Variants in MARCHF1 observed in about 807,000 individuals in gnomAD.
The protein encoded by MARCHF1 is membrane associated ring-CH-type finger 1.
Under a neutral mutation model 54.2 loss-of-function variants are expected in MARCHF1, and 40 were observed. The ratio of observed to expected loss-of-function variants is 0.74; its 90% CI spans 0.57 to 0.96. The LOEUF (loss-of-function observed/expected upper bound fraction) is 0.96. Among genes scored for constraint, MARCHF1 ranks in the 40% least tolerant of loss-of-function variants. The pLI is 0.00. For synonymous variants in MARCHF1, 236 were observed against 236.3 expected, an observed-to-expected ratio of 1.00 and a Z score of 0.01; for missense variants, 586 against 656.5, an observed-to-expected ratio of 0.89 and a Z score of 1.17.
At chr4:164,133,828 T>C (rs534237475) in intron 1 of MARCHF1, among the ~76,000 whole-genome samples, 78 of 152,172 alleles carry the variant, frequency 5.1e-4, no homozygotes, top group Non-Finnish European at 6.8e-4. Context: ...CTACTGCACT[T>C]TGCAAAAAAG....
chr4:163,950,488 C>G (rs1243388638), intron 3 of MARCHF1, among the ~76,000 whole-genome samples: 1 of 152,212 alleles, frequency 6.6e-6, no homozygotes, highest in Non-Finnish European at 1.5e-5. Context: ...GCGGCGGTTG[C>G]TTCCCGGTCC....
chr4:163,769,927 A>G (rs1326301580), intron 4 of MARCHF1, among the ~76,000 whole-genome samples: 1 of 152,140 alleles, frequency 6.6e-6, no homozygotes, highest in Non-Finnish European at 1.5e-5. Context: ...CACCCCTGAG[A>G]TAGCAAGACT....
At chr4:164,060,228 T>C (rs923080045) in intron 2 of MARCHF1, among the ~76,000 whole-genome samples, 1 of 152,186 alleles carries the variant, frequency 6.6e-6, no homozygotes, top group South Asian at 2.1e-4. Flanking sequence ...AAGCAGAATG[T>C]AAAATGATAA....
intron 4 of MARCHF1, among the ~76,000 whole-genome samples, chr4:163,756,301 A>G (rs1746664506): frequency 6.6e-6 from 1 of 152,110 alleles, no homozygotes; most frequent in African/African-American, 2.4e-5. Flanking sequence ...ACCAGTATAG[A>G]GAGATCATGG....
intron 4 of MARCHF1, among the ~76,000 whole-genome samples, chr4:163,830,621 A>T (rs1299596374): frequency 4.6e-5 from 7 of 152,084 alleles, no homozygotes; most frequent in Non-Finnish European, 1.0e-4. Context: ...CCTATTAATT[A>T]TATGCTCTCC....
At chr4:163,905,296 G>A (rs1352121682) in intron 3 of MARCHF1, among the ~76,000 whole-genome samples, 2 of 151,960 alleles carry the variant, frequency 1.3e-5, no homozygotes, top group Non-Finnish European at 2.9e-5. Flanking sequence ...TACTTATCGA[G>A]TGCCCAATAT....
At chr4:164,271,645 T>C (rs1398485722) in intron 1 of MARCHF1, among the ~76,000 whole-genome samples, 1 of 152,150 alleles carries the variant, frequency 6.6e-6, no homozygotes, top group African/African-American at 2.4e-5. Flanking sequence ...TGGTTATCCA[T>C]ATGAGGCAAA....
At chr4:164,280,301 T>C (rs1733996040) in intron 1 of MARCHF1, among the ~76,000 whole-genome samples, 3 of 152,032 alleles carry the variant, frequency 2.0e-5, no homozygotes, top group African/African-American at 7.2e-5. Flanking sequence ...CCTAAGTCTG[T>C]ACATCTTCAA....
intron 5 of MARCHF1, among the ~76,000 whole-genome samples, chr4:163,614,684 C>A (rs1741456195): frequency 1.3e-5 from 2 of 152,212 alleles, no homozygotes; most frequent in Admixed American, 6.5e-5. Context: ...CCAAATATCT[C>A]AACATCCTAA....
chr4:164,192,250 T>C (rs570489292), intron 1 of MARCHF1, among the ~76,000 whole-genome samples: 14 of 152,320 alleles, frequency 9.2e-5, no homozygotes, highest in African/African-American at 3.4e-4. Flanking sequence ...CAGGAATTTG[T>C]TGATTATATT....
At chr4:163,670,960 G>T (rs757813216) in intron 5 of MARCHF1, among the ~76,000 whole-genome samples, 30 of 152,144 alleles carry the variant, frequency 2.0e-4, no homozygotes, top group Non-Finnish European at 1.5e-5. Flanking sequence ...TAGCTAGGCT[G>T]ACCTAGCAAA....
chr4:164,052,540 G>A lies in MARCHF1; in HGVS notation c.-248+59048C>T, dbSNP rs1414284849. Among the ~76,000 whole-genome samples, 5 of 151,340 alleles carry A rather than the reference G, an allele frequency of 3.3e-5. No homozygotes were observed. In the South Asian group the frequency reaches 1.0e-3, roughly 32 times the overall value. On this transcript the variant is annotated intron_variant, in intron 2 of 9. Coordinates refer to ENST00000514618, the MANE Select transcript of MARCHF1 (RefSeq NM_001394959.1). ...GAGTGACTTCGTCTCAAAAAAAAAAGAGCCTTCCTCCTGGGTAAAGAAAAC... is the reference window on the plus strand; with the variant it reads ...GAGTGACTTCGTCTCAAAAAAAAAAAAGCCTTCCTCCTGGGTAAAGAAAAC...
intron 4 of MARCHF1, among the ~76,000 whole-genome samples, chr4:163,769,710 T>C (rs1312598451): frequency 1.3e-5 from 2 of 152,182 alleles, no homozygotes; most frequent in African/African-American, 4.8e-5. Context: ...GGTCTGTGAA[T>C]TGGAAATATT....
intron 4 of MARCHF1, among the ~76,000 whole-genome samples, chr4:163,797,997 T>C (rs1747967202): frequency 6.6e-6 from 1 of 152,186 alleles, no homozygotes; most frequent in Non-Finnish European, 1.5e-5. Flanking sequence ...TTGTTAAAGG[T>C]ACAGTCTTCA....
intron 2 of MARCHF1, among the ~76,000 whole-genome samples, chr4:164,065,171 A>C (rs1754700748): frequency 6.6e-6 from 1 of 152,172 alleles, no homozygotes; most frequent in South Asian, 2.1e-4. Flanking sequence ...TCATAGAATG[A>C]GTTAGGGAGA....
At chr4:164,050,497 T>C (rs933668153) in intron 2 of MARCHF1, among the ~76,000 whole-genome samples, 2 of 152,072 alleles carry the variant, frequency 1.3e-5, no homozygotes, top group African/African-American at 4.8e-5. Context: ...TCCATTGCTA[T>C]GCTCTGATCT....
intron 4 of MARCHF1, among the ~76,000 whole-genome samples, chr4:163,739,266 T>G (rs538881329): frequency 1.3e-5 from 2 of 152,182 alleles, no homozygotes; most frequent in Non-Finnish European, 2.9e-5. Flanking sequence ...AGACTCCTCA[T>G]AGAGTTGCCA....
intron 1 of MARCHF1, among the ~76,000 whole-genome samples, chr4:164,179,080 C>T (rs547112030): frequency 3.0e-4 from 46 of 152,258 alleles, no homozygotes; most frequent in African/African-American, 9.9e-4. Context: ...CTACGTTCTC[C>T]TCCTCATACT....
At chr4:164,131,393 TTC>T (rs202233179) in intron 1 of MARCHF1, among the ~76,000 whole-genome samples, 1,734 of 152,228 alleles carry the variant, frequency 0.011, 14 homozygotes, top group African/African-American at 0.023. Context: ...AAAAAATTCT[TTC>T]TGTCAGAGCA....
Sources: gnomAD v4.1 joint callset for allele counts (sites outside exome capture counted in the v4.1 genomes callset) on GRCh38, gnomAD v4.1.1 for gene constraint, MANE v1.5 for transcripts, NCBI Gene and HGNC (gene_info 2026-07-23, HGNC 2026-07-21) for gene names.